RBM10: variants seen among roughly 807,000 people sequenced by gnomAD.
RBM10 encodes the protein RNA-binding protein 10.
Under a neutral mutation model 84.9 loss-of-function variants are expected in RBM10, and 1 was observed. The ratio of observed to expected loss-of-function variants is 0.01; its 90% CI spans 0.00 to 0.06. The LOEUF (loss-of-function observed/expected upper bound fraction) is 0.06, where lower values mean the gene tolerates loss of function less well. Ranked by LOEUF, RBM10 falls within the 10% of genes least tolerant of loss-of-function variation. The probability of loss-of-function intolerance (pLI) is 1.00; values close to 1 mark genes in which losing one functional copy is unlikely to be tolerated. For synonymous variants in RBM10, 326 were observed against 344.5 expected, an observed-to-expected ratio of 0.95 and a Z score of 0.60; for missense variants, 438 against 839.0, an observed-to-expected ratio of 0.52 and a Z score of 5.90.
At chrX:47,164,432 C>T (rs1471372105) in intron 2 of RBM10, among the ~76,000 whole-genome samples, 2 of 107,479 alleles carry the variant, frequency 1.9e-5, no homozygotes, top group African/African-American at 3.4e-5. Context: ...CACTGCTACT[C>T]GGGAGGCTGA....
chrX:47,155,146 CAAAAAAAAAAAAA>C (rs782034292), intron 2 of RBM10, among the ~76,000 whole-genome samples: 1 of 27,357 alleles, frequency 3.7e-5, no homozygotes, highest in African/African-American at 1.4e-4. Context: ...GACTCCCTCT[CAAAAAAAAAAAAA>C]AAAAAAAAAG....
intron 2 of RBM10, 81 bp downstream of exon 2, chrX:47,147,579 G>A (rs1256781369): frequency 2.1e-5 from 23 of 1,117,083 alleles, no homozygotes; most frequent in Admixed American, 4.4e-5. Flanking sequence ...GCTAGGATGG[G>A]GCTTCTGGGT....
chrX:47,178,647 G>A (rs567320472), intron 7 of RBM10, among the ~76,000 whole-genome samples: 1 of 112,249 alleles, frequency 8.9e-6, no homozygotes, highest in South Asian at 3.7e-4. Context: ...TTTCTCAAGC[G>A]TAGCAGGATC....
chrX:47,182,225 C>G lies in RBM10; in HGVS notation c.1849C>G (p.Pro617Ala), dbSNP rs2147198801. 1 of 1,212,076 alleles carries G rather than the reference C, an allele frequency of 8.3e-7. No homozygotes were observed. Among genetic ancestry groups the G allele is most frequent in the East Asian group, 3.0e-5 (1 of 33,848 alleles). ...YWDGERRTYV[P>A]ALEQSADGHK... ...GGATGGGGAGAGGCGGACCTATGTT[C>G]CCGCCCTGGAGCAGTCGGCCGACGG... Residue 617 changes from proline (P) to alanine (A), a missense_variant, in exon 17 of 24, where the codon CCC becomes GCC. Pro to Ala is a conservative substitution (Grantham distance 27, BLOSUM62 -1). Around this residue, in one of 8 missense-constraint regions of RBM10, gnomAD observed 39 missense variants for 119.5 expected, o/e 0.33. Transcript: ENST00000377604.
At chrX:47,161,424 A>G (rs782197756) in intron 2 of RBM10, among the ~76,000 whole-genome samples, 1 of 108,874 alleles carries the variant, frequency 9.2e-6, no homozygotes, top group Non-Finnish European at 1.9e-5. Flanking sequence ...TGTAGATTCT[A>G]TTCTATTTCA....
chrX:47,163,859 ATTTTTTTTTT>A (rs35919377), intron 2 of RBM10, among the ~76,000 whole-genome samples: 12 of 40,103 alleles, frequency 3.0e-4, no homozygotes, highest in Admixed American at 2.5e-3. Flanking sequence ...CGCCTGGCTA[ATTTTTTTTTT>A]TTTTTTTTTT....
chrX:47,163,283 A>G (rs1203851110), intron 2 of RBM10, among the ~76,000 whole-genome samples: 4 of 111,688 alleles, frequency 3.6e-5, no homozygotes, highest in Non-Finnish European at 7.5e-5. Flanking sequence ...GATCAGAAAA[A>G]GGATATTAAC....
chrX:47,158,992 A>G (rs1230191494), intron 2 of RBM10, among the ~76,000 whole-genome samples: 1 of 112,713 alleles, frequency 8.9e-6, no homozygotes, highest in African/African-American at 3.2e-5. Flanking sequence ...ATGGCTGTGA[A>G]GGACATGATT....
intron 8 of RBM10, 47 bp from the exon 9 acceptor site, chrX:47,179,272 T>C (rs781921013): frequency 2.3e-5 from 27 of 1,186,545 alleles, no homozygotes; most frequent in Non-Finnish European, 3.1e-5. Flanking sequence ...TGACCAGTCG[T>C]GGAGCCTTCC....
chrX:47,179,181 C>G lies in RBM10; in HGVS notation c.724+18C>G, dbSNP rs782170810. The G allele has an allele frequency of 6.6e-6, 8 of 1,207,202 alleles. No homozygotes were observed. The highest frequency in any genetic ancestry group is 6.0e-5 in the East Asian group (2 of 33,542). ...CAAGTCAGGTGAGGCCCACCTACCT[C>G]TCGTGCTCTCCAGGGCGGAGCGGTT... On this transcript the variant is annotated intron_variant, in intron 8 of 23. Transcript: ENST00000377604.
chrX:47,147,294 T>C, intron 1 of RBM10, 63 bp from the exon 2 acceptor site: 1 of 1,075,639 alleles, frequency 9.3e-7, no homozygotes, highest in East Asian at 3.3e-5. Flanking sequence ...CAATAAGAGT[T>C]TCTCAAGGAG....
chrX:47,159,486 A>G (rs1158260660), intron 2 of RBM10, among the ~76,000 whole-genome samples: 1 of 110,603 alleles, frequency 9.0e-6, no homozygotes, highest in Non-Finnish European at 1.9e-5. Flanking sequence ...TTGGGTATAT[A>G]CCCGGTAGCA....
At position 47,147,430 on chromosome X, in the gene RBM10, G is replaced by A. The variant is rs2147065094; in HGVS notation, c.-52G>A. On this transcript the variant is annotated 5_prime_UTR_variant, in exon 2 of 24. Coordinates refer to ENST00000377604, the MANE Select transcript of RBM10 (RefSeq NM_005676.5). Reference sequence around the variant, plus strand: ...GCGGGGGTGGCTGGGAAGTGAAACGGAGCCAGCGGCTGAGGAGGGGCCCCA... The same window carrying A: ...GCGGGGGTGGCTGGGAAGTGAAACGAAGCCAGCGGCTGAGGAGGGGCCCCA... The A allele has an allele frequency of 8.3e-7, 1 of 1,210,383 alleles. No homozygotes were observed. Among genetic ancestry groups the A allele is most frequent in the South Asian group, 1.8e-5 (1 of 56,930 alleles).
At chrX:47,154,432 CTTT>C (rs55657679) in intron 2 of RBM10, among the ~76,000 whole-genome samples, 1 of 100,042 alleles carries the variant, frequency 1.0e-5, no homozygotes, top group Admixed American at 1.1e-4. Context: ...ATTTTTTTTC[CTTT>C]TTTTTTTGTT....
At chrX:47,179,551 A>G in intron 9 of RBM10, 56 bp downstream of exon 9, 1 of 1,123,552 alleles carries the variant, frequency 8.9e-7, no homozygotes, top group Non-Finnish European at 1.2e-6. Context: ...TGGGCTCACC[A>G]AGACCAGAGA....
chrX:47,162,462 TATC>T (rs1396489128), intron 2 of RBM10, among the ~76,000 whole-genome samples: 5 of 111,936 alleles, frequency 4.5e-5, no homozygotes, highest in African/African-American at 1.3e-4. Context: ...ATTTAATAGT[TATC>T]ATAAATAATA....
chrX:47,180,341 T>TGGC, intron 11 of RBM10, 32 bp downstream of exon 11: 1 of 541,267 alleles, frequency 1.8e-6, no homozygotes, highest in Non-Finnish European at 2.7e-6. Context: ...CTTCCCACCC[T>TGGC]TCCCCTCCCC....
chrX:47,185,639 G>A lies in RBM10; in HGVS notation c.2355+9G>A, dbSNP rs1556782065. On this transcript the variant is annotated intron_variant, in intron 20 of 23. Coordinates refer to ENST00000377604, the MANE Select transcript of RBM10 (RefSeq NM_005676.5). The stretch of plus-strand genomic sequence containing the variant: ...TCTCAGGGCTCCACAAGGTAACAGC[G>A]GATGGTTGGCAGGGCATGCTGGGGC... The A allele has an allele frequency of 5.0e-6, 6 of 1,207,977 alleles. No homozygotes were observed. In the African/African-American group the frequency reaches 5.2e-5, roughly 10 times the overall value.
chrX:47,166,779 C>CTT (rs782819269), intron 2 of RBM10, among the ~76,000 whole-genome samples: 2 of 91,040 alleles, frequency 2.2e-5, no homozygotes, highest in African/African-American at 4.0e-5. Flanking sequence ...GCAAAATTTT[C>CTT]TTTTTTTTTT....
Sources: allele counts gnomAD v4.1 joint callset (sites outside exome capture counted in the v4.1 genomes callset), GRCh38; gene constraint gnomAD v4.1.1; regional missense constraint gnomAD v4.1.1; transcripts MANE v1.5; gene names NCBI Gene and HGNC (gene_info 2026-07-23, HGNC 2026-07-21).